ANKRD31: variants seen among roughly 807,000 people sequenced by gnomAD.
ANKRD31 encodes ankyrin repeat domain-containing protein 31.
A neutral mutation model predicts 186.0 loss-of-function variants in ANKRD31; 147 were observed. That is an observed-to-expected ratio of 0.79 (90% CI 0.69 to 0.91). ANKRD31 has a LOEUF of 0.91. Ranked by LOEUF, ANKRD31 falls within the 40% of genes least tolerant of loss-of-function variation. The pLI, the probability that ANKRD31 is intolerant of heterozygous loss-of-function variation, is 0.00. For synonymous variants in ANKRD31, 673 were observed against 736.4 expected (o/e 0.91, Z 1.39); for missense variants, 1,986 against 2,148.8 (o/e 0.92, Z 1.50).
At chr5:75,090,670 C>A (rs1158249380) in intron 23 of ANKRD31, among the ~76,000 whole-genome samples, 1 of 152,170 alleles carries the variant, frequency 6.6e-6, no homozygotes, top group Non-Finnish European at 1.5e-5. Flanking sequence ...GAACATCAGT[C>A]ATTACTGGGC....
intron 22 of ANKRD31, among the ~76,000 whole-genome samples, chr5:75,099,685 T>C (rs1746655463): frequency 2.0e-5 from 3 of 152,220 alleles, no homozygotes; most frequent in Admixed American, 1.3e-4. Flanking sequence ...CAGGAATTTA[T>C]CCATTTCTTC....
intron 19 of ANKRD31, among the ~76,000 whole-genome samples, chr5:75,113,410 C>T (rs746787535): frequency 1.4e-4 from 22 of 152,138 alleles, no homozygotes; most frequent in African/African-American, 3.6e-4. Flanking sequence ...TTAAGAAATT[C>T]GGTGCTACAT....
chr5:75,235,445 TAAC>T (rs923536981), intron 1 of ANKRD31, among the ~76,000 whole-genome samples: 9 of 152,182 alleles, frequency 5.9e-5, no homozygotes, highest in Non-Finnish European at 8.8e-5. Flanking sequence ...GAAATCTTAA[TAAC>T]AACCCATTTA....
At chr5:75,080,760 G>C in intron 24 of ANKRD31, 121 bp from the exon 25 acceptor site, 2 of 506,694 alleles carry the variant, frequency 3.9e-6, no homozygotes, top group Non-Finnish European at 6.7e-6. Flanking sequence ...GACATTTTAG[G>C]AGAGATGATT....
intron 2 of ANKRD31, among the ~76,000 whole-genome samples, chr5:75,226,029 C>T (rs978247183): frequency 1.1e-4 from 17 of 152,176 alleles, no homozygotes; most frequent in African/African-American, 3.6e-4. Flanking sequence ...GGCAGTATTC[C>T]TCTTGGGCCT....
At chr5:75,204,802 A>G (rs996625445) in intron 5 of ANKRD31, among the ~76,000 whole-genome samples, 2 of 152,242 alleles carry the variant, frequency 1.3e-5, no homozygotes, top group African/African-American at 4.8e-5. Context: ...AAACAGTGAT[A>G]AACAAAAATA....
chr5:75,152,868 C>T (rs1308422539), intron 12 of ANKRD31, among the ~76,000 whole-genome samples: 1 of 151,814 alleles, frequency 6.6e-6, no homozygotes, highest in Non-Finnish European at 1.5e-5. Context: ...AAAATATATG[C>T]ATAGATTTTT....
chr5:75,211,817 A>G (rs1303745346), intron 3 of ANKRD31, among the ~76,000 whole-genome samples: 2 of 151,050 alleles, frequency 1.3e-5, no homozygotes, highest in Non-Finnish European at 3.0e-5. Flanking sequence ...TGAGCCCTTT[A>G]CTCATTTTTT....
intron 11 of ANKRD31, among the ~76,000 whole-genome samples, chr5:75,165,778 T>C (rs761368720): frequency 6.6e-6 from 1 of 152,082 alleles, no homozygotes; most frequent in Admixed American, 6.6e-5. Flanking sequence ...TTTCAACAAA[T>C]AGGAGACATA....
intron 4 of ANKRD31, 22 bp downstream of exon 4, chr5:75,210,806 A>C: frequency 6.8e-7 from 1 of 1,477,582 alleles, no homozygotes. Context: ...AACATAATGA[A>C]GCCAAAAATT....
At position 75,078,341 on chromosome 5, in the gene ANKRD31, G is replaced by T. The variant is rs565347913; in HGVS notation, c.5647+2227C>A. ...AGCATGATAATAGAACTGAAATGAA[G>T]AAAACTCCATCATTAAAGTCATTTA... On this transcript the variant is annotated intron_variant, in intron 25 of 25. Coordinates refer to ENST00000506364, the MANE Select transcript of ANKRD31 (RefSeq NM_001372053.1). Among the ~76,000 whole-genome samples, 90 of 152,054 alleles carry T rather than the reference G, an allele frequency of 5.9e-4. 1 individual carries two copies. Among genetic ancestry groups the T allele is most frequent in the African/African-American group, 2.1e-3 (86 of 41,484 alleles).
intron 17 of ANKRD31, among the ~76,000 whole-genome samples, chr5:75,134,974 T>C (rs1389937930): frequency 1.3e-5 from 2 of 152,204 alleles, no homozygotes; most frequent in East Asian, 3.8e-4. Context: ...ACAGCCTTCA[T>C]GCTAAAGACT....
chr5:75,197,583 C>G (rs775275835), intron 6 of ANKRD31, among the ~76,000 whole-genome samples: 4 of 152,160 alleles, frequency 2.6e-5, no homozygotes, highest in Non-Finnish European at 4.4e-5. Flanking sequence ...GCAATGCTAA[C>G]TATAATTTTC....
chr5:75,138,760 A>T, intron 16 of ANKRD31, 86 bp downstream of exon 16: 1 of 1,357,644 alleles, frequency 7.4e-7, no homozygotes, highest in Non-Finnish European at 9.7e-7. Flanking sequence ...ATCAGCCAGG[A>T]ACAAATTGGA....
rs1316924718 is a variant in ANKRD31, at chr5:75,080,668, A to C, written c.5576-29T>G. The C allele has an allele frequency of 2.7e-6, 4 of 1,491,272 alleles. No individual in the cohort carries two copies. In the Admixed American group the frequency reaches 6.2e-5, roughly 23 times the overall value. 92.4% of individuals were successfully genotyped at this position (1,491,272 alleles called of 1,614,324 possible). ...AAAGTGAAACAAAACGTTAGTAATA[A>C]TTTTGCTGAATTAGGGGACTGCTCT... On this transcript the variant is annotated intron_variant, in intron 24 of 25. Transcript: ENST00000506364.
In ANKRD31 at chr5:75,116,627, C is replaced by A. The variant is rs1748299530; in HGVS notation, c.4094G>T (p.Gly1365Val). Residue 1365 changes from glycine (G) to valine (V), a missense_variant, in exon 19 of 26, where the codon GGC (glycine) becomes GTC (valine). Transcript: ENST00000506364. Reference protein sequence around the residue: ...KRHKQCFCDDGKTIDSSSLSH... With the variant: ...KRHKQCFCDDVKTIDSSSLSH... Reference sequence around the variant, plus strand: ...AAGGGAAGATGAGTCAATAGTTTTGCCATCATCACAAAAACACTGTTTATG... The same window carrying A: ...AAGGGAAGATGAGTCAATAGTTTTGACATCATCACAAAAACACTGTTTATG... The A allele has an allele frequency of 1.4e-6, 2 of 1,464,118 alleles. No individual in the cohort carries two copies. The highest frequency in any genetic ancestry group is 1.8e-6 in the Non-Finnish European group (2 of 1,102,090). The allele number at this position is 1,464,118 out of a possible 1,614,324, so 90.7% of individuals were successfully genotyped here.
At chr5:75,134,321 A>G (rs531543373) in intron 17 of ANKRD31, among the ~76,000 whole-genome samples, 1 of 152,310 alleles carries the variant, frequency 6.6e-6, no homozygotes, top group African/African-American at 2.4e-5. Flanking sequence ...AATAAAAATG[A>G]TAAAGGTGAT....
chr5:75,104,453 A>G lies in ANKRD31; in HGVS notation c.5106T>C (p.Ser1702=). 2.0e-6 allele frequency: 3 copies of G among 1,537,242 alleles called. No homozygotes were observed. Among genetic ancestry groups the G allele is most frequent in the Non-Finnish European group, 2.6e-6 (3 of 1,146,904 alleles). The change falls in exon 22 of 26, where the codon AGT becomes AGC. Residue 1702 remains serine, a synonymous_variant. Coordinates refer to ENST00000506364, the MANE Select transcript of ANKRD31 (RefSeq NM_001372053.1). ...ATGGTTTCATCTGATGCACTGTATC[A>G]CTGCCTAAGACAGCAATCCCTTGAT... ...LAHQGIAVLG[S]DTVHQMKPYL...
intron 4 of ANKRD31, 27 bp downstream of exon 4, chr5:75,210,801 A>T: frequency 6.8e-7 from 1 of 1,467,020 alleles, no homozygotes; most frequent in Non-Finnish European, 9.0e-7. Flanking sequence ...CCTACAACAT[A>T]ATGAAGCCAA....
Sources: allele counts gnomAD v4.1 joint callset (sites outside exome capture counted in the v4.1 genomes callset), GRCh38; gene constraint gnomAD v4.1.1; transcripts MANE v1.5; gene names NCBI Gene and HGNC (gene_info 2026-07-23, HGNC 2026-07-21).